The following GRM8 variants were observed in gnomAD, a reference collection of about 807,000 sequenced individuals.
The protein encoded by GRM8 is glutamate metabotropic receptor 8, also known as metabotropic glutamate receptor 8.
In GRM8, 47 loss-of-function variants were observed where a neutral mutation model predicts 87.2. That is an observed-to-expected ratio of 0.54 (90% CI 0.43 to 0.69). The LOEUF (loss-of-function observed/expected upper bound fraction) is 0.69. GRM8 is among the 30% of genes least tolerant of loss of function. The pLI is 0.00. For synonymous variants in GRM8, 396 were observed against 404.5 expected (o/e 0.98, Z 0.25); for missense variants, 1,019 against 1,139.2 (o/e 0.89, Z 1.52).
chr7:126,662,696 C>G (rs1410459673), intron 7 of GRM8, among the ~76,000 whole-genome samples: 1 of 151,958 alleles, frequency 6.6e-6, no homozygotes, highest in Non-Finnish European at 1.5e-5. Context: ...TAAGCTAAGG[C>G]TTGAAAATGT....
chr7:126,564,157 G>T (rs1024372757), intron 8 of GRM8, among the ~76,000 whole-genome samples: 17 of 152,316 alleles, frequency 1.1e-4, no homozygotes, highest in African/African-American at 3.8e-4. Flanking sequence ...TTTTCTAGCA[G>T]CCACTGGGCA....
chr7:127,070,039 A>G (rs1411859415), intron 3 of GRM8, among the ~76,000 whole-genome samples: 1 of 152,238 alleles, frequency 6.6e-6, no homozygotes, highest in East Asian at 1.9e-4. Context: ...ATCACGATTT[A>G]TTACCAATCT....
chr7:126,672,904 T>C (rs1442133814), intron 7 of GRM8, among the ~76,000 whole-genome samples: 1 of 152,148 alleles, frequency 6.6e-6, no homozygotes, highest in Non-Finnish European at 1.5e-5. Flanking sequence ...CTGCCTGCTG[T>C]TTCCCCAAAA....
At chr7:127,219,596 A>AC (rs984312065) in intron 2 of GRM8, 12 of 152,060 alleles carry the variant, frequency 7.9e-5, no homozygotes, top group South Asian at 6.2e-4. Context: ...GCACCACCAA[A>AC]CCCAGCTAAT....
intron 6 of GRM8, among the ~76,000 whole-genome samples, chr7:126,879,691 G>A (rs1008634204): frequency 1.3e-5 from 2 of 152,046 alleles, no homozygotes; most frequent in African/African-American, 4.8e-5. Flanking sequence ...TTAAATAACA[G>A]AAGAAAAAGT....
chr7:127,083,598 C>T (rs1020091193), intron 3 of GRM8, among the ~76,000 whole-genome samples: 5 of 150,322 alleles, frequency 3.3e-5, no homozygotes, highest in Admixed American at 1.3e-4. Context: ...AACAAGGTCC[C>T]CCCATCATCC....
At chr7:127,051,768 A>G (rs1228759688) in intron 3 of GRM8, among the ~76,000 whole-genome samples, 3 of 143,270 alleles carry the variant, frequency 2.1e-5, no homozygotes, top group Non-Finnish European at 4.6e-5. Context: ...AAAAAAAAGC[A>G]GGTTATAAAA....
chr7:127,070,983 A>T (rs1048804706), intron 3 of GRM8, among the ~76,000 whole-genome samples: 3 of 152,206 alleles, frequency 2.0e-5, no homozygotes, highest in African/African-American at 7.2e-5. Context: ...AGCATTAAAT[A>T]ATGTAACAGA....
intron 3 of GRM8, chr7:126,981,609 A>T (rs1225741163): frequency 2.6e-5 from 4 of 152,358 alleles, no homozygotes; most frequent in African/African-American, 9.6e-5. Context: ...TCCTATGGAC[A>T]GATCTCTCAT....
chr7:126,790,637 G>C (rs1469915482), intron 6 of GRM8, among the ~76,000 whole-genome samples: 2 of 152,084 alleles, frequency 1.3e-5, no homozygotes, highest in Non-Finnish European at 2.9e-5. Context: ...AATCCGCTTT[G>C]TTTTCTTACG....
At position 126,609,454 on chromosome 7, in the gene GRM8, G is replaced by A. The variant is rs1255376883; in HGVS notation, c.1402C>T (p.Pro468Ser). Residue 468 changes from proline to serine, a missense_variant, in exon 8 of 11, where the codon CCT becomes TCT. By Grantham distance (74) the Pro-to-Ser change is moderately conservative. Transcript: ENST00000339582. ...PVTFNENGDA[P>S]GRYDIFQYQI... ...TACTGGAAGATATCATAACGTCCAGGAGCATCTCCGTTTTCATTAAAAGTG... is the reference window on the plus strand; with the variant it reads ...TACTGGAAGATATCATAACGTCCAGAAGCATCTCCGTTTTCATTAAAAGTG... The A allele has an allele frequency of 6.2e-7, 1 of 1,610,856 alleles. No individual in the cohort carries two copies. Among genetic ancestry groups the A allele is most frequent in the Non-Finnish European group, 8.5e-7 (1 of 1,177,024 alleles).
chr7:126,515,141 T>C (rs1811990269), intron 9 of GRM8, among the ~76,000 whole-genome samples: 1 of 152,110 alleles, frequency 6.6e-6, no homozygotes, highest in Non-Finnish European at 1.5e-5. Flanking sequence ...TTGCAATGGC[T>C]ATATCTTAAT....
rs114112424 is a variant in GRM8 at position 126,454,646 on chromosome 7, G to A, written c.2431-8274C>T. ...TCAGAATGTGACTGCATTTGAAGAC[G>A]GGGTCTTTAAAGAGGTAATTAAGTT... On this transcript the variant is annotated intron_variant, in intron 9 of 10. Transcript: ENST00000339582. Among the ~76,000 whole-genome samples the A allele has an allele frequency of 3.3e-3, 496 of 151,678 alleles. 3 individuals carry two copies. Among genetic ancestry groups the A allele is most frequent in the African/African-American group, 0.011 (469 of 41,426 alleles).
At chr7:126,599,842 C>A (rs990152631) in intron 8 of GRM8, among the ~76,000 whole-genome samples, 1 of 152,096 alleles carries the variant, frequency 6.6e-6, no homozygotes, top group African/African-American at 2.4e-5. Context: ...CCCGCATAGT[C>A]CTGTTACTTC....
intron 9 of GRM8, among the ~76,000 whole-genome samples, chr7:126,488,818 G>A (rs1490381764): frequency 6.6e-6 from 1 of 151,880 alleles, no homozygotes; most frequent in Admixed American, 6.6e-5. Flanking sequence ...TTATGCATAT[G>A]ATAATGATGA....
intron 3 of GRM8, among the ~76,000 whole-genome samples, chr7:126,940,547 C>A (rs1233752090): frequency 1.3e-5 from 2 of 152,164 alleles, no homozygotes; most frequent in African/African-American, 2.4e-5. Flanking sequence ...CACTGCTCAG[C>A]AGTGTCAGAG....
At chr7:126,918,207 A>G (rs1436771241) in intron 3 of GRM8, among the ~76,000 whole-genome samples, 1 of 152,212 alleles carries the variant, frequency 6.6e-6, no homozygotes, top group Non-Finnish European at 1.5e-5. Flanking sequence ...AGAGAAGCAT[A>G]AAAAATAGTT....
chr7:126,510,725 T>C (rs527276380), intron 9 of GRM8, among the ~76,000 whole-genome samples: 3 of 152,340 alleles, frequency 2.0e-5, no homozygotes, highest in Non-Finnish European at 2.9e-5. Flanking sequence ...TCTGAACTGA[T>C]GCATTGGTTA....
At chr7:126,519,793 T>A (rs1376290569) in intron 9 of GRM8, among the ~76,000 whole-genome samples, 3 of 152,092 alleles carry the variant, frequency 2.0e-5, no homozygotes, top group Non-Finnish European at 4.4e-5. Flanking sequence ...AGCTAGCAAT[T>A]TTTTTCTAAA....
Sources: allele counts gnomAD v4.1 joint callset (sites outside exome capture counted in the v4.1 genomes callset), GRCh38; gene constraint gnomAD v4.1.1; transcripts MANE v1.5; gene names NCBI Gene and HGNC (gene_info 2026-07-23, HGNC 2026-07-21).